The following NHS variants were observed in gnomAD, a reference collection of about 807,000 sequenced individuals.
The protein encoded by NHS is NHS actin remodeling regulator, also known as actin remodeling regulator NHS.
A neutral mutation model predicts 72.5 loss-of-function variants in NHS; 5 were observed. The ratio of observed to expected loss-of-function variants is 0.07; its 90% CI spans 0.04 to 0.14. NHS has a LOEUF of 0.14. Ranked by LOEUF, NHS falls within the 10% of genes least tolerant of loss-of-function variation. The pLI is 1.00. For synonymous variants in NHS, 464 were observed against 547.7 expected (o/e 0.85, Z 2.13); for missense variants, 1,072 against 1,355.7 (o/e 0.79, Z 3.29).
intron 1 of NHS, among the ~76,000 whole-genome samples, chrX:17,414,074 A>C (rs1357743807): frequency 8.9e-6 from 1 of 111,982 alleles, no homozygotes; most frequent in East Asian, 2.8e-4. Flanking sequence ...ACAAAATGAC[A>C]CTGTCCCAAG....
At chrX:17,404,094 G>C (rs2064515626) in intron 1 of NHS, among the ~76,000 whole-genome samples, 1 of 112,317 alleles carries the variant, frequency 8.9e-6, no homozygotes. Flanking sequence ...TGTTTTCAGA[G>C]GCACTTGTCT....
chrX:17,615,170 T>TAC (rs1327858987), intron 1 of NHS, among the ~76,000 whole-genome samples: 87 of 43,908 alleles, frequency 2.0e-3, no homozygotes, highest in Admixed American at 5.7e-3. Context: ...ACTATATATA[T>TAC]ACGTATATAT....
At chrX:17,547,181 T>C (rs1009737088) in intron 1 of NHS, among the ~76,000 whole-genome samples, 19 of 112,314 alleles carry the variant, frequency 1.7e-4, no homozygotes, top group African/African-American at 6.2e-4. Context: ...TTTCCTTTAG[T>C]GTAACAAGTT....
At chrX:17,488,973 G>T (rs2064978506) in intron 1 of NHS, among the ~76,000 whole-genome samples, 1 of 110,877 alleles carries the variant, frequency 9.0e-6, no homozygotes, top group Non-Finnish European at 1.9e-5. Flanking sequence ...CCTGGTGTGT[G>T]ATGTTCCCCT....
At chrX:17,425,631 T>A (rs1210318243) in intron 1 of NHS, among the ~76,000 whole-genome samples, 3 of 102,606 alleles carry the variant, frequency 2.9e-5, no homozygotes, top group African/African-American at 1.1e-4. Flanking sequence ...TTTTCCTTCC[T>A]GCTTACATGA....
chrX:17,388,445 T>C (rs2064421827), intron 1 of NHS, among the ~76,000 whole-genome samples: 1 of 110,098 alleles, frequency 9.1e-6, no homozygotes, highest in Admixed American at 9.7e-5. Context: ...TGAGCAAAGA[T>C]TGGAAAGAGG....
intron 1 of NHS, among the ~76,000 whole-genome samples, chrX:17,376,787 T>C (rs2064349374): frequency 8.9e-6 from 1 of 112,188 alleles, no homozygotes; most frequent in Non-Finnish European, 1.9e-5. Flanking sequence ...CCAGGAGTAG[T>C]GAGTGTTCTT....
intron 1 of NHS, among the ~76,000 whole-genome samples, chrX:17,658,903 A>C (rs1296756328): frequency 8.9e-6 from 1 of 112,375 alleles, no homozygotes; most frequent in African/African-American, 3.2e-5. Context: ...CACAGTGAGC[A>C]TATTGGTCAG....
chrX:17,410,196 A>G (rs1294247471), intron 1 of NHS, among the ~76,000 whole-genome samples: 1 of 110,933 alleles, frequency 9.0e-6, no homozygotes, highest in Non-Finnish European at 1.9e-5. Context: ...CCAGAACACT[A>G]AAAAAATGGC....
intron 1 of NHS, among the ~76,000 whole-genome samples, chrX:17,683,610 C>A (rs184430022): frequency 2.7e-5 from 3 of 111,364 alleles, no homozygotes; most frequent in African/African-American, 9.8e-5. Context: ...GAGTTGTGTG[C>A]GGGTACCATG....
At chrX:17,637,540 A>G (rs966447739) in intron 1 of NHS, among the ~76,000 whole-genome samples, 1 of 112,009 alleles carries the variant, frequency 8.9e-6, no homozygotes, top group African/African-American at 3.3e-5. Context: ...ACAAGTGGGA[A>G]GACTAGGCCC....
At position 17,419,621 on chromosome X, in the gene NHS, AAG is replaced by A. The variant is rs753363879; in HGVS notation, c.565+43305_565+43306del. 1.4e-3 allele frequency among the ~76,000 whole-genome samples: 151 copies of A among 110,721 alleles called. 1 individual carries two copies. Among genetic ancestry groups the A allele is most frequent in the African/African-American group, 4.7e-3 (142 of 30,513 alleles). On this transcript the variant is annotated intron_variant, in intron 1 of 8. Transcript: ENST00000676302. ...CCCATGTGTGCATATATATGATAGA[AAG>A]AGAGAATATTTCTAGATTTAGTGTA...
chrX:17,586,661 C>T (rs1348624446), intron 1 of NHS: 1 of 112,147 alleles, frequency 8.9e-6, no homozygotes, highest in Non-Finnish European at 1.9e-5. Flanking sequence ...GGACTAGAAT[C>T]CATGACTTCC....
intron 1 of NHS, among the ~76,000 whole-genome samples, chrX:17,510,598 G>A (rs1351127977): frequency 8.9e-6 from 1 of 112,212 alleles, no homozygotes; most frequent in Non-Finnish European, 1.9e-5. Flanking sequence ...TACTTAAGTA[G>A]TGAGGTTATA....
intron 1 of NHS, among the ~76,000 whole-genome samples, chrX:17,461,876 A>G (rs990801619): frequency 8.9e-6 from 1 of 111,886 alleles, no homozygotes; most frequent in Admixed American, 9.5e-5. Context: ...CTTATCCTTC[A>G]GCTGACTAGC....
intron 1 of NHS, among the ~76,000 whole-genome samples, chrX:17,516,288 A>G (rs2065119306): frequency 2.7e-5 from 3 of 111,750 alleles, no homozygotes; most frequent in Admixed American, 1.9e-4. Context: ...TGGACAGTGC[A>G]TCCTTAGCTG....
At chrX:17,479,082 G>A (rs1365374357) in intron 1 of NHS, among the ~76,000 whole-genome samples, 1 of 110,873 alleles carries the variant, frequency 9.0e-6, no homozygotes, top group Non-Finnish European at 1.9e-5. Flanking sequence ...AGGCCCTGGT[G>A]TGTGATGTTC....
chrX:17,478,235 T>C (rs2064929999), intron 1 of NHS, among the ~76,000 whole-genome samples: 1 of 112,120 alleles, frequency 8.9e-6, no homozygotes, highest in African/African-American at 3.2e-5. Flanking sequence ...TGAAGAAGAC[T>C]TTGCCAGATC....
intron 1 of NHS, among the ~76,000 whole-genome samples, chrX:17,473,514 A>G (rs1443455188): frequency 8.9e-6 from 1 of 112,390 alleles, no homozygotes; most frequent in African/African-American, 3.2e-5. Flanking sequence ...ATGAGTTTAA[A>G]TTTTAAAATG....
Sources: gnomAD v4.1 joint callset for allele counts (sites outside exome capture counted in the v4.1 genomes callset) on GRCh38, gnomAD v4.1.1 for gene constraint, MANE v1.5 for transcripts, NCBI Gene and HGNC (gene_info 2026-07-23, HGNC 2026-07-21) for gene names.